Variants in FBXL19 observed in about 807,000 individuals in gnomAD.
FBXL19 encodes the protein F-box and leucine rich repeat protein 19.
FBXL19 carries 16 observed loss-of-function variants against 71.2 expected under a neutral mutation model. That is an observed-to-expected ratio of 0.22 (90% confidence interval 0.15 to 0.34). FBXL19 has a LOEUF of 0.34. FBXL19 is among the 10% of genes least tolerant of loss of function. The pLI is 1.00. For synonymous variants in FBXL19, 447 were observed against 409.4 expected (o/e 1.09, Z -1.11); for missense variants, 658 against 968.2 (o/e 0.68, Z 4.25).
chr16:30,926,216 C>G (rs548125394), intron 2 of FBXL19, among the ~76,000 whole-genome samples: 10 of 152,278 alleles, frequency 6.6e-5, no homozygotes, highest in African/African-American at 2.4e-4. Flanking sequence ...CTATCACCCC[C>G]CAAGATGTCT....
upstream of FBXL19, chr16:30,923,387 C>T: frequency 2.7e-6 from 1 of 371,700 alleles, no homozygotes; most frequent in South Asian, 1.9e-5. Context: ...TCCTATTGTT[C>T]CCCCGTAGCA....
intron 7 of FBXL19, among the ~76,000 whole-genome samples, chr16:30,940,686 A>C (rs2055792964): frequency 6.6e-6 from 1 of 151,794 alleles, no homozygotes; most frequent in African/African-American, 2.4e-5. Flanking sequence ...TTTGTTTTTG[A>C]GATGGAGTCT....
Position 30,942,303 on chromosome 16 carries a change from A to G in FBXL19, c.1465+24A>G, listed in dbSNP as rs1444597870. Reference sequence around the variant, plus strand: ...AGGTAGGGTGTGTGGTACGGAGGACAGGGTGGGGACAGGGACAGGCCTGGG... The same window carrying G: ...AGGTAGGGTGTGTGGTACGGAGGACGGGGTGGGGACAGGGACAGGCCTGGG... On this transcript the variant is annotated intron_variant, in intron 8 of 10. Coordinates refer to ENST00000338343, the MANE Select transcript of FBXL19 (RefSeq NM_001382779.1). The surrounding 1 kb of genome is among the most constrained non-coding windows in gnomAD (Gnocchi z 5.7). 3.8e-6 allele frequency: 6 copies of G among 1,598,316 alleles called. No individual in the cohort carries two copies. The highest frequency in any genetic ancestry group is 5.1e-6 in the Non-Finnish European group (6 of 1,170,798).
intron 7 of FBXL19, among the ~76,000 whole-genome samples, chr16:30,935,727 TC>T (rs1445600909): frequency 2.0e-5 from 3 of 152,008 alleles, no homozygotes; most frequent in African/African-American, 7.3e-5. Flanking sequence ...AGCTCCCTGT[TC>T]CCGGGGGCTT....
At position 30,948,537 on chromosome 16, in the gene FBXL19, T is replaced by C. The variant is rs984901220; in HGVS notation, c.*1307T>C. On this transcript the variant is annotated 3_prime_UTR_variant, in exon 11 of 11. Coordinates refer to ENST00000338343, the MANE Select transcript of FBXL19 (RefSeq NM_001382779.1). ...CTCCGGGGGGCCGGGGCTTACCATG[T>C]AGGGGAGGGGAGATCTATCCACATA... 14 of 121,570 alleles carry C rather than the reference T, an allele frequency of 1.2e-4. No homozygotes were observed. Among genetic ancestry groups the C allele is most frequent in the Admixed American group, 8.5e-4 (9 of 10,534 alleles). The allele number at this position is 121,570 out of a possible 1,614,324, so 7.5% of individuals were successfully genotyped here. A position where few individuals can be genotyped will look rare whatever the true frequency, so the allele number is the denominator to read the frequency against.
chr16:30,923,143 C>A (rs1315160186), upstream of FBXL19: 1 of 456,760 alleles, frequency 2.2e-6, no homozygotes, highest in African/African-American at 2.0e-5. Flanking sequence ...TGGACTGCGA[C>A]TCCCGTCAGG....
chr16:30,947,310 T>G lies in FBXL19; in HGVS notation c.*80T>G. 8.1e-7 allele frequency: 1 copy of G among 1,236,456 alleles called. No homozygotes were observed. The highest frequency in any genetic ancestry group is 1.1e-6 in the Non-Finnish European group (1 of 914,300). The allele number at this position is 1,236,456 out of a possible 1,614,324, so 76.6% of individuals were successfully genotyped here. A position where few individuals can be genotyped will look rare whatever the true frequency, so the allele number is the denominator to read the frequency against. Reference sequence around the variant, plus strand: ...ATTTCACCCCTGCTGGGAGGCCAGGTTCCCACCTCACCACCCTGGGATTCC... The same window carrying G: ...ATTTCACCCCTGCTGGGAGGCCAGGGTCCCACCTCACCACCCTGGGATTCC... On this transcript the variant is annotated 3_prime_UTR_variant, in exon 11 of 11. Transcript: ENST00000338343.
chr16:30,934,751 T>C (rs566397659), intron 7 of FBXL19, among the ~76,000 whole-genome samples: 1 of 152,192 alleles, frequency 6.6e-6, no homozygotes, highest in Non-Finnish European at 1.5e-5. Flanking sequence ...GGAGCCTGGA[T>C]GGGCAACAGC....
intron 2 of FBXL19, among the ~76,000 whole-genome samples, chr16:30,926,738 G>T (rs1390021736): frequency 6.6e-6 from 1 of 151,090 alleles, no homozygotes; most frequent in African/African-American, 2.4e-5. Flanking sequence ...TGATCCTGCC[G>T]CATCCTTGTT....
rs1391273931 is a variant in FBXL19 at position 30,928,536 on chromosome 16, C to G, written c.697C>G (p.Pro233Ala). Residue 233 changes from proline (P) to alanine (A), a missense_variant, in exon 6 of 11, where the codon CCA becomes GCA. Physicochemically the swap from Pro to Ala is conservative, Grantham distance 27. Around this residue, in one of 8 missense-constraint regions of FBXL19, gnomAD observed 447 missense variants for 515.4 expected, o/e 0.87. Coordinates refer to ENST00000338343, the MANE Select transcript of FBXL19 (RefSeq NM_001382779.1). ...CGCCTGCCTCCTCCGAGGATCGGAC[C>G]CAGGCGGCCCGGGCCTGCTGCCCCC... ...GDACLLRGSD[P>A]GGPGLLPPRV... 2 of 1,608,458 alleles carry G rather than the reference C, an allele frequency of 1.2e-6. No homozygotes were observed. The highest frequency in any genetic ancestry group is 2.2e-5 in the South Asian group (2 of 90,458).
intron 1 of FBXL19, chr16:30,924,883 C>T: frequency 2.5e-6 from 2 of 797,168 alleles, no homozygotes; most frequent in Non-Finnish European, 3.6e-6. Context: ...GGGATGAAAG[C>T]AGCCCGGGAA....
chr16:30,946,775 G>A lies in FBXL19; in HGVS notation c.1673G>A (p.Arg558His). Residue 558 changes from arginine (R) to histidine (H), a missense_variant, in exon 10 of 11, where the codon CGT (arginine) becomes CAT (histidine). Arg to His is a conservative substitution (Grantham distance 29). Coordinates refer to ENST00000338343, the MANE Select transcript of FBXL19 (RefSeq NM_001382779.1). This position sits in a 1 kb window ranked among gnomAD's most constrained non-coding sequence, Gnocchi z 6.7. ...CGGCTGCAGGGGGTGGCAGAACTGC[G>A]TCTGGCAGGTTTGGAGCTGACAGAT... Reference protein sequence around the residue: ...RGRLQGVAELRLAGLELTDAS... With the variant: ...RGRLQGVAELHLAGLELTDAS... 1.2e-6 allele frequency: 2 copies of A among 1,613,478 alleles called. No individual in the cohort carries two copies. Among genetic ancestry groups the A allele is most frequent in the Non-Finnish European group, 1.7e-6 (2 of 1,179,782 alleles).
At chr16:30,924,798 G>A (rs1028759948) in intron 1 of FBXL19, 4 of 1,437,912 alleles carry the variant, frequency 2.8e-6, no homozygotes, top group Non-Finnish European at 3.7e-6. Context: ...GACCCTCCAG[G>A]CTTCTAATTC....
intron 7 of FBXL19, among the ~76,000 whole-genome samples, chr16:30,938,818 A>G (rs1047724062): frequency 6.6e-6 from 1 of 151,448 alleles, no homozygotes; most frequent in Non-Finnish European, 1.5e-5. Context: ...TTGTATTTTT[A>G]GCAGATACGA....
intron 7 of FBXL19, among the ~76,000 whole-genome samples, chr16:30,940,523 A>C (rs2055791458): frequency 6.6e-6 from 1 of 152,142 alleles, no homozygotes; most frequent in African/African-American, 2.4e-5. Flanking sequence ...GAACTCAGAG[A>C]AGAGAGTTCT....
intron 2 of FBXL19, among the ~76,000 whole-genome samples, 173 bp downstream of exon 2, chr16:30,926,104 G>A (rs2055587353): frequency 6.6e-6 from 1 of 152,168 alleles, no homozygotes; most frequent in Admixed American, 6.5e-5. Flanking sequence ...GCTCCAAGCT[G>A]GGGGCAGTGT....
chr16:30,937,682 T>C (rs1477085902), intron 7 of FBXL19, among the ~76,000 whole-genome samples: 1 of 152,148 alleles, frequency 6.6e-6, no homozygotes, highest in Non-Finnish European at 1.5e-5. Flanking sequence ...GGCTCTGGGT[T>C]GGCATTTCTG....
intron 5 of FBXL19, among the ~76,000 whole-genome samples, chr16:30,928,169 C>T (rs914979408): frequency 6.6e-6 from 1 of 151,686 alleles, no homozygotes; most frequent in South Asian, 2.1e-4. Context: ...GGTGAGCTGG[C>T]ACTGCAGGAA....
At chr16:30,941,708 T>A (rs1043315358) in intron 7 of FBXL19, among the ~76,000 whole-genome samples, 1 of 152,180 alleles carries the variant, frequency 6.6e-6, no homozygotes, top group Admixed American at 6.5e-5. Flanking sequence ...TGGAGACGAC[T>A]GGATAACACC....
Sources: gnomAD v4.1 joint callset for allele counts (sites outside exome capture counted in the v4.1 genomes callset) on GRCh38, gnomAD v4.1.1 for gene constraint, gnomAD v4.1.1 regional missense constraint, Gnocchi (gnomAD v3.1) non-coding constraint, MANE v1.5 for transcripts, NCBI Gene and HGNC (gene_info 2026-07-23, HGNC 2026-07-21) for gene names.